Variants in WWOX observed in about 807,000 individuals in gnomAD.
WWOX encodes the protein WW domain containing oxidoreductase.
WWOX carries 69 observed loss-of-function variants against 46.2 expected under a neutral mutation model. The observed-to-expected ratio is 1.49, with a 90% CI of 1.23 to 1.82. The LOEUF is 1.82. WWOX is among the 40% of genes most tolerant of loss of function. WWOX has a pLI of 0.00. For synonymous variants in WWOX, 359 were observed against 202.6 expected (o/e 1.77, Z -6.56); for missense variants, 919 against 542.6 (o/e 1.69, Z -6.89).
intron 8 of WWOX, among the ~76,000 whole-genome samples, chr16:78,765,884 G>A (rs895680516): frequency 8.5e-5 from 13 of 152,282 alleles, no homozygotes; most frequent in Middle Eastern, 3.4e-3. Context: ...CAGGCATTGC[G>A]GAGGCAGAAA....
At chr16:79,195,243 G>A (rs1457164546) in intron 8 of WWOX, among the ~76,000 whole-genome samples, 2 of 152,016 alleles carry the variant, frequency 1.3e-5, no homozygotes, top group African/African-American at 4.8e-5. Context: ...ACTGGGGAGT[G>A]TTCTAGGATC....
chr16:78,615,389 C>G (rs1417175563), intron 8 of WWOX, among the ~76,000 whole-genome samples: 2 of 152,110 alleles, frequency 1.3e-5, no homozygotes, highest in South Asian at 2.1e-4. Context: ...CACCTCACAC[C>G]TGTAATTTCA....
At chr16:79,051,886 G>C (rs990919197) in intron 8 of WWOX, among the ~76,000 whole-genome samples, 35 of 152,224 alleles carry the variant, frequency 2.3e-4, no homozygotes, top group Non-Finnish European at 4.6e-4. Context: ...TATTTGCCCT[G>C]GCATGCTTAT....
intron 8 of WWOX, among the ~76,000 whole-genome samples, chr16:78,887,063 ATGTGTGTGTGTGTGGTGTGTGTGTGTG>A (rs1198561934): frequency 3.2e-5 from 1 of 30,970 alleles, no homozygotes; most frequent in Non-Finnish European, 1.2e-4. Context: ...GTCTGGCTAT[ATGTGTGTGTGTGTGGTGTGTGTGTGTG>A]TGTGTGTGTG....
intron 8 of WWOX, among the ~76,000 whole-genome samples, chr16:78,707,269 G>C (rs1057143103): frequency 2.6e-5 from 4 of 152,164 alleles, no homozygotes; most frequent in Admixed American, 2.6e-4. Flanking sequence ...AAAAGCTATA[G>C]AAGCAGAAGT....
intron 8 of WWOX, among the ~76,000 whole-genome samples, chr16:79,007,243 AG>A (rs2047209310): frequency 6.6e-6 from 1 of 152,208 alleles, no homozygotes; most frequent in Admixed American, 6.5e-5. Flanking sequence ...GAAATAAAAA[AG>A]GTTCTTTGCT....
In WWOX at chr16:78,770,154, C is replaced by T. The variant is rs139754051; in HGVS notation, c.1056+337402C>T. ...ATCACTGAGGTCAGGAGTTCGAGACCAGCCTGGCCAACATGGTGAAACCCC... is the reference window on the plus strand; with the variant it reads ...ATCACTGAGGTCAGGAGTTCGAGACTAGCCTGGCCAACATGGTGAAACCCC... On this transcript the variant is annotated intron_variant, in intron 8 of 8. Transcript: ENST00000566780. Among the ~76,000 whole-genome samples, 562 of 152,218 alleles carry T rather than the reference C, an allele frequency of 3.7e-3. 3 individuals carry two copies. Among genetic ancestry groups the T allele is most frequent in the African/African-American group, 0.011 (460 of 41,534 alleles).
intron 8 of WWOX, among the ~76,000 whole-genome samples, chr16:79,194,448 T>C (rs1343478404): frequency 6.6e-6 from 1 of 152,134 alleles, no homozygotes; most frequent in Admixed American, 6.6e-5. Flanking sequence ...ACTGTGAAGA[T>C]GAAGAAAGGT....
chr16:78,410,339 G>C (rs567790993), intron 6 of WWOX, among the ~76,000 whole-genome samples: 13 of 152,282 alleles, frequency 8.5e-5, no homozygotes, highest in African/African-American at 3.1e-4. Context: ...CCTTGATCAC[G>C]GTCTGCAGCA....
intron 6 of WWOX, among the ~76,000 whole-genome samples, chr16:78,409,606 G>A (rs115315121): frequency 1.1e-3 from 174 of 152,234 alleles, no homozygotes; most frequent in African/African-American, 4.1e-3. Flanking sequence ...TTCCATTGCT[G>A]TTGTAATAAA....
intron 8 of WWOX, among the ~76,000 whole-genome samples, chr16:79,090,596 G>A (rs1031137903): frequency 1.3e-5 from 2 of 152,144 alleles, no homozygotes; most frequent in Non-Finnish European, 2.9e-5. Flanking sequence ...AGACGATGCT[G>A]TATGGCTCTA....
intron 8 of WWOX, among the ~76,000 whole-genome samples, chr16:78,702,929 G>T (rs1005116951): frequency 6.6e-6 from 1 of 152,146 alleles, no homozygotes; most frequent in East Asian, 1.9e-4. Flanking sequence ...GATGCCTTGG[G>T]AGCTCTCCTC....
At chr16:78,814,325 C>G (rs1209838549) in intron 8 of WWOX, among the ~76,000 whole-genome samples, 3 of 152,006 alleles carry the variant, frequency 2.0e-5, no homozygotes, top group South Asian at 2.1e-4. Context: ...CTCCTTTTCC[C>G]TAAAAAACTG....
intron 8 of WWOX, among the ~76,000 whole-genome samples, chr16:79,057,015 C>T (rs779888898): frequency 1.4e-4 from 22 of 152,076 alleles, no homozygotes; most frequent in East Asian, 3.8e-4. Context: ...TTTACAAATA[C>T]GAAGGAAAAA....
chr16:78,386,181 T>G (rs2082056526), intron 5 of WWOX, among the ~76,000 whole-genome samples: 2 of 152,158 alleles, frequency 1.3e-5, no homozygotes, highest in South Asian at 2.1e-4. Flanking sequence ...TGTCTTTGAG[T>G]TGTTAGGAGC....
intron 8 of WWOX, among the ~76,000 whole-genome samples, chr16:78,848,031 G>A (rs59961921): frequency 0.02 from 3,033 of 152,252 alleles, 80 homozygotes; most frequent in African/African-American, 0.065. Context: ...TGGCATATGA[G>A]TGAGGTCCCT....
intron 5 of WWOX, among the ~76,000 whole-genome samples, chr16:78,362,870 T>G (rs900742961): frequency 5.3e-5 from 8 of 152,198 alleles, no homozygotes; most frequent in African/African-American, 1.9e-4. Context: ...GAAGTGAGTT[T>G]CCGAAGTTGC....
intron 8 of WWOX, among the ~76,000 whole-genome samples, chr16:78,743,107 C>A (rs548998385): frequency 1.3e-5 from 2 of 152,178 alleles, no homozygotes; most frequent in Non-Finnish European, 2.9e-5. Flanking sequence ...CCGTCTCTCT[C>A]CTTGGAGGAG....
chr16:78,786,155 C>G (rs1199045036), intron 8 of WWOX, among the ~76,000 whole-genome samples: 2 of 152,188 alleles, frequency 1.3e-5, no homozygotes, highest in Non-Finnish European at 2.9e-5. Context: ...GGTGATCTGC[C>G]TGTCTCCGCC....
Sources: gnomAD v4.1 joint callset for allele counts (sites outside exome capture counted in the v4.1 genomes callset) on GRCh38, gnomAD v4.1.1 for gene constraint, MANE v1.5 for transcripts, NCBI Gene and HGNC (gene_info 2026-07-23, HGNC 2026-07-21) for gene names.